The following FCGRT variants were observed in gnomAD, a reference collection of about 807,000 sequenced individuals.
The protein encoded by FCGRT is Fc gamma receptor and transporter, also known as IgG receptor FcRn large subunit p51.
Under a neutral mutation model 35.7 loss-of-function variants are expected in FCGRT, and 13 were observed. The ratio of observed to expected loss-of-function variants is 0.36; its 90% CI spans 0.24 to 0.58. FCGRT has a LOEUF of 0.58. Among genes scored for constraint, FCGRT ranks in the 20% least tolerant of loss-of-function variants. The probability of loss-of-function intolerance (pLI) is 0.77; values close to 1 mark genes in which losing one functional copy is unlikely to be tolerated. For synonymous variants in FCGRT, 233 were observed against 216.5 expected, an observed-to-expected ratio of 1.08 and a Z score of -0.67; for missense variants, 455 against 474.9, an observed-to-expected ratio of 0.96 and a Z score of 0.39.
chr19:49,521,719 G>T (rs926541585), intron 4 of FCGRT: 1 of 150,734 alleles, frequency 6.6e-6, no homozygotes, highest in African/African-American at 2.4e-5. Flanking sequence ...GCCTAGACTG[G>T]AGTGCAGTAG....
rs2080076271 is a variant in FCGRT at position 49,526,156 on chromosome 19, C to T, written c.*37C>T. On this transcript the variant is annotated 3_prime_UTR_variant, in exon 7 of 7. Transcript: ENST00000221466. ...TCCGACTGCTAAAAGCGAATGTAGT[C>T]AGGCCCCTTTCATGCTGTGAGACCT... 2.2e-6 allele frequency: 3 copies of T among 1,377,954 alleles called. No individual in the cohort carries two copies. Among genetic ancestry groups the T allele is most frequent in the Non-Finnish European group, 3.1e-6 (3 of 965,498 alleles). 85.4% of individuals were successfully genotyped at this position (1,377,954 alleles called of 1,614,324 possible).
intron 4 of FCGRT, among the ~76,000 whole-genome samples, chr19:49,522,257 T>C (rs1006150336): frequency 2.5e-4 from 38 of 151,688 alleles, no homozygotes; most frequent in African/African-American, 8.5e-4. Context: ...TTTTTTTTAT[T>C]TGTAGTGGAG....
chr19:49,514,493 C>T lies in FCGRT; in HGVS notation c.601+7C>T, dbSNP rs778730681. 5.2e-6 allele frequency: 8 copies of T among 1,536,298 alleles called. No individual in the cohort carries two copies. Among genetic ancestry groups the T allele is most frequent in the African/African-American group, 4.1e-5 (3 of 72,820 alleles). ...GGAAACCTGGAGTGGAAGGGTGAGC[C>T]GGATCTGCAGCCGCAGGCTGTTCTG... On this transcript the variant is annotated splice_region_variant and intron_variant, in intron 4 of 6. Transcript: ENST00000221466.
At position 49,512,756 on chromosome 19, in the gene FCGRT, C is replaced by T. The variant is rs2079978548; in HGVS notation, c.-15+6C>T. On this transcript the variant is annotated splice_donor_region_variant and intron_variant, in intron 1 of 6. Coordinates refer to ENST00000221466, the MANE Select transcript of FCGRT (RefSeq NM_001136019.3). ...GGAGCGAGGCTGAAGGGAACGTGAG[C>T]CGACCAGGGCCCGACTGAGGGAGGA... 1.3e-5 allele frequency: 2 copies of T among 155,388 alleles called. No individual in the cohort carries two copies. Among genetic ancestry groups the T allele is most frequent in the African/African-American group, 2.4e-5 (1 of 41,342 alleles). 9.6% of individuals were successfully genotyped at this position (155,388 alleles called of 1,614,324 possible).
intron 1 of FCGRT, 32 bp from the exon 2 acceptor site, chr19:49,513,355 C>CGGGGGGGG: frequency 2.3e-6 from 1 of 438,018 alleles, no homozygotes; most frequent in Non-Finnish European, 3.4e-6. Flanking sequence ...GGCCGGGGGT[C>CGGGGGGGG]GGGAGGAGTC....
intron 4 of FCGRT, among the ~76,000 whole-genome samples, chr19:49,524,094 C>G (rs2080058309): frequency 6.6e-6 from 1 of 151,444 alleles, no homozygotes; most frequent in Non-Finnish European, 1.5e-5. Context: ...TCCTGGCTCA[C>G]TGCAACATCT....
chr19:49,517,914 A>T (rs58217838), intron 4 of FCGRT, among the ~76,000 whole-genome samples: 1,923 of 152,086 alleles, frequency 0.013, 45 homozygotes, highest in African/African-American at 0.044. Flanking sequence ...GCTGGTCTTG[A>T]ACTCCTGACC....
chr19:49,517,354 G>A (rs988014697), intron 4 of FCGRT, among the ~76,000 whole-genome samples: 1 of 152,052 alleles, frequency 6.6e-6, no homozygotes. Flanking sequence ...AGCCGGGTGC[G>A]GTGGTGGGTG....
Position 49,514,042 on chromosome 19 carries a change from C to T in FCGRT, c.234C>T (p.Asn78=). 1 of 1,612,012 alleles carries T rather than the reference C, an allele frequency of 6.2e-7. No individual in the cohort carries two copies. Among genetic ancestry groups the T allele is most frequent in the South Asian group, 1.1e-5 (1 of 91,088 alleles). The change falls in exon 3 of 7, where the codon AAC becomes AAT. Residue 78 remains asparagine (N), a synonymous_variant. Coordinates refer to ENST00000221466, the MANE Select transcript of FCGRT (RefSeq NM_001136019.3). ...CCTGTGGAGCTTGGGTCTGGGAAAA[C>T]CAGGTGTCCTGGTATTGGGAGAAAG... ...AEPCGAWVWE[N]QVSWYWEKET... is the part of the protein sequence containing the mutation.
chr19:49,523,596 C>G (rs866838130), intron 4 of FCGRT, among the ~76,000 whole-genome samples: 1 of 149,666 alleles, frequency 6.7e-6, no homozygotes, highest in South Asian at 2.1e-4. Flanking sequence ...CGTGGTGGCT[C>G]ACACCTGTAA....
rs781341160 is a variant in FCGRT at position 49,525,524 on chromosome 19, G to A, written c.939G>A (p.Ala313=). 1.3e-5 allele frequency: 21 copies of A among 1,613,670 alleles called. 1 individual carries two copies. Among genetic ancestry groups the A allele is most frequent in the South Asian group, 4.4e-5 (4 of 91,058 alleles). ...IVIGVLLLTA[A]AVGGALLWRR... The stretch of plus-strand genomic sequence containing the variant: ...TCGGTGTCTTGCTACTCACGGCAGC[G>A]GCTGTAGGAGGAGCTCTGTTGTGGA... Residue 313 remains alanine, a synonymous_variant, in exon 6 of 7, where the codon GCG becomes GCA. Transcript: ENST00000221466.
At chr19:49,525,905 A>G in intron 6 of FCGRT, 105 bp from the exon 7 acceptor site, 1 of 798,726 alleles carries the variant, frequency 1.3e-6, no homozygotes, top group South Asian at 1.3e-5. Context: ...AAGGGGATAG[A>G]GACTGAGGAA....
intron 4 of FCGRT, chr19:49,516,016 C>T (rs1357520877): frequency 2.8e-6 from 1 of 351,576 alleles, no homozygotes; most frequent in African/African-American, 2.2e-5. Flanking sequence ...GATCCCCACT[C>T]ATTCAACTGT....
intron 4 of FCGRT, among the ~76,000 whole-genome samples, chr19:49,518,640 TCTC>T (rs60436147): frequency 0.012 from 1,863 of 152,250 alleles, 41 homozygotes; most frequent in African/African-American, 0.042. Context: ...TTCAAGCAAT[TCTC>T]CTGCCTCAGC....
intron 4 of FCGRT, chr19:49,516,174 C>T (rs1486425929): frequency 4.4e-6 from 2 of 454,290 alleles, no homozygotes; most frequent in African/African-American, 4.0e-5. Context: ...CCAAGTGCCA[C>T]AAAGGAGAAG....
At chr19:49,523,460 C>T (rs2080053979) in intron 4 of FCGRT, among the ~76,000 whole-genome samples, 4 of 151,952 alleles carry the variant, frequency 2.6e-5, no homozygotes, top group Admixed American at 2.0e-4. Flanking sequence ...CCCAGCCACT[C>T]GGGAGGCTGT....
rs762100267 is a variant in FCGRT at position 49,526,151 on chromosome 19, G to A, written c.*32G>A. The A allele has an allele frequency of 1.6e-5, 22 of 1,409,550 alleles. No homozygotes were observed. The highest frequency in any genetic ancestry group is 1.7e-5 in the Non-Finnish European group (17 of 993,970). 87.3% of individuals were successfully genotyped at this position (1,409,550 alleles called of 1,614,324 possible). ...GCCATTCCGACTGCTAAAAGCGAATGTAGTCAGGCCCCTTTCATGCTGTGA... is the reference window on the plus strand; with the variant it reads ...GCCATTCCGACTGCTAAAAGCGAATATAGTCAGGCCCCTTTCATGCTGTGA... On this transcript the variant is annotated 3_prime_UTR_variant, in exon 7 of 7. Transcript: ENST00000221466.
chr19:49,525,936 C>T, intron 6 of FCGRT, 74 bp from the exon 7 acceptor site: 1 of 902,564 alleles, frequency 1.1e-6, no homozygotes, highest in South Asian at 1.3e-5. Context: ...GACACACACA[C>T]AAATGGGGGA....
chr19:49,513,162 TCGGGG>T (rs2079983348), intron 1 of FCGRT: 1 of 335,702 alleles, frequency 3.0e-6, no homozygotes, highest in African/African-American at 2.1e-5. Flanking sequence ...GTGGCGGAGC[TCGGGG>T]CCGGGACTCT....
Sources: allele counts gnomAD v4.1 joint callset (sites outside exome capture counted in the v4.1 genomes callset), GRCh38; gene constraint gnomAD v4.1.1; transcripts MANE v1.5; gene names NCBI Gene and HGNC (gene_info 2026-07-23, HGNC 2026-07-21).